Variants in CNTNAP2 observed in about 807,000 individuals in gnomAD.
The protein encoded by CNTNAP2 is contactin-associated protein-like 2.
Under a neutral mutation model 155.2 loss-of-function variants are expected in CNTNAP2, and 98 were observed. The observed-to-expected ratio is 0.63, with a 90% CI of 0.54 to 0.75. The LOEUF is 0.75. Among genes scored for constraint, CNTNAP2 ranks in the 30% least tolerant of loss-of-function variants. The pLI, the probability that CNTNAP2 is intolerant of heterozygous loss-of-function variation, is 0.00. For synonymous variants in CNTNAP2, 651 were observed against 631.2 expected, an observed-to-expected ratio of 1.03 and a Z score of -0.47; for missense variants, 1,727 against 1,688.1, an observed-to-expected ratio of 1.02 and a Z score of -0.40.
Position 147,512,273 on chromosome 7 carries a change from A to G in CNTNAP2, c.1777+26232A>G, listed in dbSNP as rs368227352. Among the ~76,000 whole-genome samples the G allele has an allele frequency of 2.6e-5, 4 of 152,286 alleles. No individual in the cohort carries two copies. The East Asian group carries it at 7.7e-4, about 29-fold the overall frequency. On this transcript the variant is annotated intron_variant, in intron 11 of 23. Coordinates refer to ENST00000361727, the MANE Select transcript of CNTNAP2 (RefSeq NM_014141.6). ...TCCCATTTGCAGACTTGTCCTTTTGAGACAGTTTTTTGGAACCAGGGAGCA... is the reference window on the plus strand; with the variant it reads ...TCCCATTTGCAGACTTGTCCTTTTGGGACAGTTTTTTGGAACCAGGGAGCA...
At position 147,034,899 on chromosome 7, in the gene CNTNAP2, A is replaced by G. The variant is rs548898652; in HGVS notation, c.403-9008A>G. ...CAGGATGAAGGGTGTGGAGGGCCAG[A>G]GTGGTCTTAGAAAATGCAACATTTG... On this transcript the variant is annotated intron_variant, in intron 3 of 23. Coordinates refer to ENST00000361727, the MANE Select transcript of CNTNAP2 (RefSeq NM_014141.6). Among the ~76,000 whole-genome samples the G allele has an allele frequency of 5.9e-5, 9 of 152,258 alleles. 1 individual carries two copies. In the South Asian group the frequency reaches 6.2e-4, roughly 11 times the overall value.
At position 146,329,777 on chromosome 7, in the gene CNTNAP2, G is replaced by T. The variant is rs746747849; in HGVS notation, c.97+212804G>T. On this transcript the variant is annotated intron_variant, in intron 1 of 23. Coordinates refer to ENST00000361727, the MANE Select transcript of CNTNAP2 (RefSeq NM_014141.6). The stretch of plus-strand genomic sequence containing the variant: ...AGCTGACCTCCTTGCCCAACCTAAG[G>T]TTCTTCTAACTTGAAGGCATTCTAT... 4.5e-4 allele frequency among the ~76,000 whole-genome samples: 68 copies of T among 152,016 alleles called. 1 individual carries two copies. The highest frequency in any genetic ancestry group is 4.1e-4 in the Non-Finnish European group (28 of 68,020).
At chr7:148,052,620 AT>A (rs550083632) in intron 15 of CNTNAP2, among the ~76,000 whole-genome samples, 1 of 152,042 alleles carries the variant, frequency 6.6e-6, no homozygotes, top group Non-Finnish European at 1.5e-5. Flanking sequence ...CACATGCAAG[AT>A]TTTTTTTACA....
chr7:147,426,498 C>T (rs569749683), intron 10 of CNTNAP2, among the ~76,000 whole-genome samples: 17 of 152,142 alleles, frequency 1.1e-4, no homozygotes, highest in East Asian at 1.9e-4. Context: ...TCCTTTCCAC[C>T]GAGCAAAGAT....
chr7:146,219,715 G>A (rs1799176127), intron 1 of CNTNAP2, among the ~76,000 whole-genome samples: 3 of 152,138 alleles, frequency 2.0e-5, no homozygotes, highest in African/African-American at 7.2e-5. Context: ...TTTTACACTT[G>A]AATTACTTCA....
At chr7:148,259,857 T>A (rs1412881059) in intron 20 of CNTNAP2, among the ~76,000 whole-genome samples, 3 of 152,254 alleles carry the variant, frequency 2.0e-5, no homozygotes, top group Non-Finnish European at 4.4e-5. Flanking sequence ...TCATGGCAAA[T>A]GTTGAACAAG....
chr7:146,869,110 G>T (rs891666061), intron 3 of CNTNAP2, among the ~76,000 whole-genome samples: 5 of 152,168 alleles, frequency 3.3e-5, no homozygotes, highest in African/African-American at 1.2e-4. Flanking sequence ...CAAGGGGAAT[G>T]CTTCCAGCTT....
intron 13 of CNTNAP2, among the ~76,000 whole-genome samples, chr7:147,733,099 T>TCCTTGC (rs1427165328): frequency 6.6e-6 from 1 of 152,226 alleles, no homozygotes; most frequent in Non-Finnish European, 1.5e-5. Context: ...AGACATGAAG[T>TCCTTGC]CCTTGCCCAT....
At chr7:147,037,899 A>G (rs1799187037) in intron 3 of CNTNAP2, among the ~76,000 whole-genome samples, 1 of 152,196 alleles carries the variant, frequency 6.6e-6, no homozygotes, top group African/African-American at 2.4e-5. Context: ...ACAGCTTTGT[A>G]ATCAAGACAA....
At chr7:148,149,424 A>G (rs1386096958) in intron 17 of CNTNAP2, among the ~76,000 whole-genome samples, 1 of 152,232 alleles carries the variant, frequency 6.6e-6, no homozygotes, top group Non-Finnish European at 1.5e-5. Flanking sequence ...TCTCAGGAAG[A>G]ATGAAGAGGA....
At chr7:147,538,459 C>G (rs1799585211) in intron 11 of CNTNAP2, among the ~76,000 whole-genome samples, 1 of 152,050 alleles carries the variant, frequency 6.6e-6, no homozygotes, top group African/African-American at 2.4e-5. Context: ...CAAGACCAGT[C>G]TGGGAAACAT....
At chr7:147,222,217 A>G (rs560175668) in intron 8 of CNTNAP2, among the ~76,000 whole-genome samples, 6 of 149,548 alleles carry the variant, frequency 4.0e-5, no homozygotes, top group Non-Finnish European at 5.9e-5. Context: ...TTGTATTCCT[A>G]TTACACTTTC....
At chr7:147,518,504 T>A (rs1041775145) in intron 11 of CNTNAP2, among the ~76,000 whole-genome samples, 3 of 152,206 alleles carry the variant, frequency 2.0e-5, no homozygotes, top group African/African-American at 7.2e-5. Context: ...ATACAGATGC[T>A]ATGAGAACAT....
intron 1 of CNTNAP2, among the ~76,000 whole-genome samples, chr7:146,329,492 A>G (rs1009294893): frequency 1.3e-5 from 2 of 152,142 alleles, no homozygotes; most frequent in Non-Finnish European, 2.9e-5. Context: ...TTAAAAATAT[A>G]TTTTGGGAGT....
At chr7:148,382,564 C>T (rs1053987540) in intron 21 of CNTNAP2, among the ~76,000 whole-genome samples, 1 of 152,162 alleles carries the variant, frequency 6.6e-6, no homozygotes, top group Non-Finnish European at 1.5e-5. Context: ...AGAACGGCTT[C>T]AGCAAAGGGC....
intron 1 of CNTNAP2, among the ~76,000 whole-genome samples, chr7:146,269,339 AAATCAATC>A (rs149360313): frequency 0.015 from 2,197 of 149,688 alleles, 59 homozygotes; most frequent in African/African-American, 0.05. Context: ...ACTCCATCTC[AAATCAATC>A]AATCAATCAA....
intron 3 of CNTNAP2, among the ~76,000 whole-genome samples, chr7:147,023,910 T>C (rs1798856983): frequency 6.6e-6 from 1 of 152,226 alleles, no homozygotes; most frequent in South Asian, 2.1e-4. Context: ...GTGTAGTTTA[T>C]AGGGCCAAGC....
intron 13 of CNTNAP2, among the ~76,000 whole-genome samples, chr7:147,692,959 T>A (rs1159320877): frequency 1.3e-5 from 2 of 152,016 alleles, no homozygotes; most frequent in African/African-American, 4.8e-5. Flanking sequence ...TTTCTAGGAG[T>A]TTTATAGTTT....
intron 22 of CNTNAP2, among the ~76,000 whole-genome samples, chr7:148,405,468 G>A (rs527971076): frequency 4.0e-5 from 5 of 126,430 alleles, no homozygotes; most frequent in African/African-American, 9.7e-5. Context: ...TCGCTCTGTC[G>A]CCAGGGTGGA....
Sources: gnomAD v4.1 joint callset for allele counts (sites outside exome capture counted in the v4.1 genomes callset) on GRCh38, gnomAD v4.1.1 for gene constraint, MANE v1.5 for transcripts, NCBI Gene and HGNC (gene_info 2026-07-23, HGNC 2026-07-21) for gene names.